LYST: variants seen among roughly 807,000 people sequenced by gnomAD.
LYST encodes the protein lysosomal trafficking regulator, also known as lysosomal-trafficking regulator.
Under a neutral mutation model 413.6 loss-of-function variants are expected in LYST, and 192 were observed. The ratio of observed to expected loss-of-function variants is 0.46; its 90% CI spans 0.41 to 0.52. The LOEUF is 0.52. Ranked by LOEUF, LYST falls within the 20% of genes least tolerant of loss-of-function variation. The pLI is 0.00. For synonymous variants in LYST, 1,525 were observed against 1,567.3 expected (o/e 0.97, Z 0.64); for missense variants, 3,815 against 4,499.9 (o/e 0.85, Z 4.35).
intron 37 of LYST, among the ~76,000 whole-genome samples, chr1:235,729,085 A>G (rs1664141508): frequency 6.6e-6 from 1 of 152,230 alleles, no homozygotes; most frequent in Admixed American, 6.5e-5. Flanking sequence ...AAGGGAATAG[A>G]GATCAAGTGG....
chr1:235,746,471 C>G lies in LYST; in HGVS notation c.7837G>C (p.Val2613Leu). ...ATCACATGAAGCTCATCATTTGCCA[C>G]TGAACGCATTTTCATCAGAAGCGAT... ...TESLLMKMRS[V>L]ANDELHVMMQ... Residue 2613 changes from valine (V) to leucine (L), a missense_variant, in exon 29 of 53, where the codon GTG becomes CTG. Val to Leu is a conservative substitution (Grantham distance 32). Coordinates refer to ENST00000389793, the MANE Select transcript of LYST (RefSeq NM_000081.4). The G allele has an allele frequency of 1.2e-6, 2 of 1,613,864 alleles. No individual in the cohort carries two copies. Among genetic ancestry groups the G allele is most frequent in the South Asian group, 2.2e-5 (2 of 91,080 alleles).
chr1:235,701,603 G>C (rs1661556546), intron 45 of LYST, among the ~76,000 whole-genome samples: 1 of 152,164 alleles, frequency 6.6e-6, no homozygotes, highest in African/African-American at 2.4e-5. Flanking sequence ...ACTCCAGCCT[G>C]GGCGACAGAG....
Position 235,730,933 on chromosome 1 carries a change from T to C in LYST, c.8958A>G (p.Lys2986=), listed in dbSNP as rs775161353. The C allele has an allele frequency of 1.9e-6, 3 of 1,612,690 alleles. No homozygotes were observed. In the Admixed American group the frequency reaches 5.0e-5, roughly 27 times the overall value. The part of the protein sequence containing the change: ...RDRQKSEDVV[K]PPLSYLFEDK... The stretch of plus-strand genomic sequence containing the variant: ...CTTCAAACAGGTAAGAGAGTGGTGG[T>C]TTGACAACATCTGTTGAGGAGAAAA... Residue 2986 remains lysine (K), a synonymous_variant, in exon 36 of 53, where the codon AAA becomes AAG. Coordinates refer to ENST00000389793, the MANE Select transcript of LYST (RefSeq NM_000081.4).
chr1:235,844,489 G>A (rs1006421775), intron 1 of LYST, among the ~76,000 whole-genome samples: 2 of 152,186 alleles, frequency 1.3e-5, no homozygotes, highest in African/African-American at 4.8e-5. Context: ...AGTTACATAT[G>A]TTTTGGGGGG....
At chr1:235,665,463 T>A (rs528674341) in intron 50 of LYST, among the ~76,000 whole-genome samples, 1 of 151,726 alleles carries the variant, frequency 6.6e-6, no homozygotes, top group East Asian at 1.9e-4. Flanking sequence ...TACAAAAAAA[T>A]TAGCCAGGGG....
intron 22 of LYST, 108 bp downstream of exon 22, chr1:235,762,612 T>C (rs555636566): frequency 2.1e-5 from 23 of 1,120,244 alleles, no homozygotes; most frequent in Admixed American, 1.7e-4. Flanking sequence ...TCTTGTTAGA[T>C]TGAATGAGGT....
At chr1:235,795,745 T>C (rs1289974852) in intron 10 of LYST, among the ~76,000 whole-genome samples, 1 of 152,132 alleles carries the variant, frequency 6.6e-6, no homozygotes, top group African/African-American at 2.4e-5. Context: ...CCAACAGTTT[T>C]ATTAAATATA....
At chr1:235,862,286 G>A (rs1233036008) in intron 1 of LYST, among the ~76,000 whole-genome samples, 5 of 152,066 alleles carry the variant, frequency 3.3e-5, no homozygotes, top group Non-Finnish European at 5.9e-5. Context: ...CAGTGTATAC[G>A]GTAGTATCCC....
At chr1:235,733,367 AC>A (rs1017217886) in intron 34 of LYST, 135 bp downstream of exon 34, 153 of 758,560 alleles carry the variant, frequency 2.0e-4, no homozygotes, top group East Asian at 7.0e-4. Flanking sequence ...GATGAAAAAA[AC>A]ATCACAAATG....
At chr1:235,818,539 A>G (rs1305047344) in intron 3 of LYST, among the ~76,000 whole-genome samples, 1 of 152,188 alleles carries the variant, frequency 6.6e-6, no homozygotes, top group Non-Finnish European at 1.5e-5. Flanking sequence ...CTTCCAAATA[A>G]TAAAACTAAA....
At chr1:235,846,143 G>C (rs1177793059) in intron 1 of LYST, among the ~76,000 whole-genome samples, 1 of 152,170 alleles carries the variant, frequency 6.6e-6, no homozygotes, top group Non-Finnish European at 1.5e-5. Context: ...ACCTGCACCA[G>C]AAAAGGCGCT....
intron 31 of LYST, chr1:235,737,389 T>A (rs1233133721): frequency 6.6e-6 from 1 of 151,986 alleles, no homozygotes; most frequent in African/African-American, 2.4e-5. Flanking sequence ...TCTAAAAAAA[T>A]ACTTATTTCC....
rs1433367318 is a variant in LYST at position 235,712,187 on chromosome 1, A to G, written c.9795T>C (p.Phe3265=). 1.3e-6 allele frequency: 2 copies of G among 1,582,254 alleles called. No individual in the cohort carries two copies. The highest frequency in any genetic ancestry group is 3.4e-5 in the Admixed American group (2 of 58,122). ...KMFLAYQDQS[F]DIPDRTFHST... ...AATGAAAAGTTCTGTCTGGAATGTC[A>G]AAACTTTGATCTATAAAAAAATACA... is the stretch of plus-strand genomic sequence containing the variant. The change falls in exon 43 of 53, where the codon TTT becomes TTC. Residue 3265 remains phenylalanine, a synonymous_variant. Transcript: ENST00000389793.
At chr1:235,798,578 TAAAAAAAAAA>T (rs71174462) in intron 10 of LYST, among the ~76,000 whole-genome samples, 8 of 81,710 alleles carry the variant, frequency 9.8e-5, no homozygotes, top group East Asian at 5.5e-4. Context: ...AACCCTGTCA[TAAAAAAAAAA>T]AAAAAAAAAA....
intron 16 of LYST, among the ~76,000 whole-genome samples, chr1:235,779,206 A>G (rs1669617554): frequency 1.3e-5 from 2 of 152,324 alleles, no homozygotes; most frequent in Admixed American, 6.5e-5. Context: ...TCACAAGCTT[A>G]TAACTCCCAA....
intron 43 of LYST, among the ~76,000 whole-genome samples, chr1:235,709,900 T>C (rs1330497358): frequency 7.1e-6 from 1 of 139,944 alleles, no homozygotes; most frequent in Admixed American, 6.8e-5. Flanking sequence ...AGCAAAATTA[T>C]CCCAACACAG....
At position 235,743,964 on chromosome 1, in the gene LYST, A is replaced by G. The variant is rs41304026; in HGVS notation, c.8151+15T>C. On this transcript the variant is annotated intron_variant, in intron 30 of 52. Transcript: ENST00000389793. Reference sequence around the variant, plus strand: ...TTGTGTGAATGAACATTTCCCATGTAATTAATTTACTTACAATAGATACTT... The same window carrying G: ...TTGTGTGAATGAACATTTCCCATGTGATTAATTTACTTACAATAGATACTT... 105 of 1,257,122 alleles carry G rather than the reference A, an allele frequency of 8.4e-5. No individual in the cohort carries two copies. Among genetic ancestry groups the G allele is most frequent in the Non-Finnish European group, 6.5e-5 (56 of 856,770 alleles). The allele number at this position is 1,257,122 out of a possible 1,614,324, so 77.9% of individuals were successfully genotyped here.
chr1:235,716,919 T>C (rs1035477678), intron 40 of LYST, 141 bp from the exon 41 acceptor site: 1 of 575,670 alleles, frequency 1.7e-6, no homozygotes, highest in Non-Finnish European at 3.1e-6. Context: ...TATTGTTTTG[T>C]AACTAACAGT....
At chr1:235,793,051 A>C (rs1558253401) in intron 11 of LYST, among the ~76,000 whole-genome samples, 1 of 152,178 alleles carries the variant, frequency 6.6e-6, no homozygotes, top group Admixed American at 6.5e-5. Flanking sequence ...TCAAGGTTTC[A>C]TTATAAAAAT....
Sources: gnomAD v4.1 joint callset for allele counts (sites outside exome capture counted in the v4.1 genomes callset) on GRCh38, gnomAD v4.1.1 for gene constraint, MANE v1.5 for transcripts, NCBI Gene and HGNC (gene_info 2026-07-23, HGNC 2026-07-21) for gene names.